The following SHROOM4 variants were observed in gnomAD, a reference collection of about 807,000 sequenced individuals.
SHROOM4 encodes shroom family member 4, also known as protein Shroom4.
A neutral mutation model predicts 80.3 loss-of-function variants in SHROOM4; 17 were observed. The ratio of observed to expected loss-of-function variants is 0.21; its 90% CI spans 0.14 to 0.32. SHROOM4 has a LOEUF of 0.32. Ranked by LOEUF, SHROOM4 falls within the 10% of genes least tolerant of loss-of-function variation. SHROOM4 has a pLI of 1.00. For synonymous variants in SHROOM4, 400 were observed against 437.5 expected (o/e 0.91, Z 1.07); for missense variants, 993 against 1,140.3 (o/e 0.87, Z 1.86).
At chrX:50,780,006 G>A (rs781834423) in intron 1 of SHROOM4, among the ~76,000 whole-genome samples, 67 of 111,474 alleles carry the variant, frequency 6.0e-4, no homozygotes, top group African/African-American at 2.0e-3. Context: ...GGTGTTTGGC[G>A]TATCAGTGAG....
intron 1 of SHROOM4, among the ~76,000 whole-genome samples, chrX:50,709,640 T>C (rs187438492): frequency 2.7e-5 from 3 of 112,488 alleles, no homozygotes; most frequent in African/African-American, 9.7e-5. Context: ...GAGTAGTCTA[T>C]GTGTCTTTCC....
At chrX:50,696,329 T>G (rs941556182) in intron 1 of SHROOM4, among the ~76,000 whole-genome samples, 1 of 111,863 alleles carries the variant, frequency 8.9e-6, no homozygotes, top group Admixed American at 9.5e-5. Flanking sequence ...GGTAAGCTCT[T>G]TCCTATCTTT....
At position 50,589,841 on chromosome X, in the gene SHROOM4, G is replaced by A. The variant is rs894137687; in HGVS notation, c.*6854C>T. Among the ~76,000 whole-genome samples, 1 of 112,009 alleles carries A rather than the reference G, an allele frequency of 8.9e-6. No homozygotes were observed. Among genetic ancestry groups the A allele is most frequent in the African/African-American group, 3.2e-5 (1 of 30,785 alleles). Reference sequence around the variant, plus strand: ...GTGGAAATTCTATGTTTAACATTTGGAGAAACTGCCAAGCTGTTTTTCAAT... The same window carrying A: ...GTGGAAATTCTATGTTTAACATTTGAAGAAACTGCCAAGCTGTTTTTCAAT... On this transcript the variant is annotated 3_prime_UTR_variant, in exon 9 of 9. Transcript: ENST00000376020.
chrX:50,714,562 T>A (rs1256202637), intron 1 of SHROOM4, among the ~76,000 whole-genome samples: 1 of 111,897 alleles, frequency 8.9e-6, no homozygotes, highest in Non-Finnish European at 1.9e-5. Flanking sequence ...ATATTATGTA[T>A]CAATAAAAGA....
At chrX:50,776,909 A>G (rs1369320401) in intron 1 of SHROOM4, among the ~76,000 whole-genome samples, 1 of 109,937 alleles carries the variant, frequency 9.1e-6, no homozygotes, top group African/African-American at 3.3e-5. Flanking sequence ...GGCTGTCTCA[A>G]ACTCCTGGGC....
chrX:50,787,788 C>T (rs1335968141), intron 1 of SHROOM4, among the ~76,000 whole-genome samples: 1 of 103,594 alleles, frequency 9.7e-6, no homozygotes, highest in East Asian at 3.0e-4. Context: ...AAAAAACCCA[C>T]CAGCAACTAA....
Position 50,795,105 on chromosome X carries a change from T to C in SHROOM4, c.117+18797A>G, listed in dbSNP as rs1569549149. 1.1e-3 allele frequency among the ~76,000 whole-genome samples: 58 copies of C among 50,995 alleles called. 9 individuals are homozygous for C. Among genetic ancestry groups the C allele is most frequent in the African/African-American group, 4.9e-3 (53 of 10,752 alleles). 44.3% of individuals were successfully genotyped at this position (50,995 alleles called of 115,157 possible). On this transcript the variant is annotated intron_variant, in intron 1 of 8. Coordinates refer to ENST00000376020, the MANE Select transcript of SHROOM4 (RefSeq NM_020717.5). ...ATATATATGATATATATATATGATA[T>C]ATATATATGATATATATATATGATA...
chrX:50,672,617 C>G (rs1370080909), intron 2 of SHROOM4, among the ~76,000 whole-genome samples: 1 of 111,094 alleles, frequency 9.0e-6, no homozygotes, highest in Non-Finnish European at 1.9e-5. Flanking sequence ...TAAAAATATA[C>G]TTGAACAAAT....
chrX:50,767,950 C>T (rs1935314318), intron 1 of SHROOM4, among the ~76,000 whole-genome samples: 1 of 112,028 alleles, frequency 8.9e-6, no homozygotes, highest in African/African-American at 3.2e-5. Context: ...AATATGCCTA[C>T]TGTCAACTAA....
chrX:50,761,310 G>C (rs1935150908), intron 1 of SHROOM4, among the ~76,000 whole-genome samples: 1 of 111,608 alleles, frequency 9.0e-6, no homozygotes, highest in African/African-American at 3.3e-5. Context: ...TCCTGCGTTA[G>C]TTTCCTAAGG....
intron 2 of SHROOM4, among the ~76,000 whole-genome samples, chrX:50,651,192 C>A (rs962685372): frequency 8.0e-5 from 9 of 111,912 alleles, no homozygotes; most frequent in African/African-American, 2.6e-4. Context: ...AGAGAGGGAA[C>A]AAAAGTACAA....
In SHROOM4 at chrX:50,657,187, G is replaced by A. The variant is rs1375448641; in HGVS notation, c.270-18879C>T. On this transcript the variant is annotated intron_variant, in intron 2 of 8. Coordinates refer to ENST00000376020, the MANE Select transcript of SHROOM4 (RefSeq NM_020717.5). The stretch of plus-strand genomic sequence containing the variant: ...TCTAGGGTTTTCTGTATAAGATCAT[G>A]TCACCTACAAATAAAGACAATTTAA... 9.9e-5 allele frequency among the ~76,000 whole-genome samples: 11 copies of A among 111,486 alleles called. No homozygotes were observed. In the Admixed American group the frequency reaches 1.1e-3, roughly 11 times the overall value.
chrX:50,636,491 C>CT (rs1274225194), intron 3 of SHROOM4, among the ~76,000 whole-genome samples: 24 of 109,630 alleles, frequency 2.2e-4, no homozygotes, highest in African/African-American at 6.0e-4. Context: ...GAGGACAGAT[C>CT]TTTTTTTTTC....
chrX:50,714,628 T>C (rs1933901447), intron 1 of SHROOM4, among the ~76,000 whole-genome samples: 1 of 112,201 alleles, frequency 8.9e-6, no homozygotes, highest in Non-Finnish European at 1.9e-5. Context: ...TTAAATAATA[T>C]TTACTGTTTT....
chrX:50,612,282 C>T (rs1930033130), intron 5 of SHROOM4, among the ~76,000 whole-genome samples: 1 of 110,733 alleles, frequency 9.0e-6, no homozygotes, highest in African/African-American at 3.3e-5. Flanking sequence ...TGCTCTACCC[C>T]ATAAAACAAA....
chrX:50,751,529 GT>G (rs1557268047), intron 1 of SHROOM4, among the ~76,000 whole-genome samples: 1 of 111,427 alleles, frequency 9.0e-6, no homozygotes, highest in Admixed American at 9.5e-5. Flanking sequence ...TGTGGGGAAG[GT>G]TTCTATAATA....
rs142827776 is a variant in SHROOM4 at position 50,635,186 on chromosome X, C to G, written c.887G>C (p.Arg296Pro). 1 of 1,202,655 alleles carries G rather than the reference C, an allele frequency of 8.3e-7. No homozygotes were observed. Among genetic ancestry groups the G allele is most frequent in the Non-Finnish European group, 1.1e-6 (1 of 891,072 alleles). The stretch of plus-strand genomic sequence containing the variant: ...GGGGACCACAGGCTCAGATGCCCTG[C>G]GCTGCTCTCCATTGAGGAGTTGGGC... ...SRAQLLNGEQ[R>P]RASEPVVPLP... Residue 296 changes from arginine to proline, a missense_variant, in exon 4 of 9, where the codon CGC becomes CCC. By Grantham distance (103) the Arg-to-Pro change is moderately radical. Coordinates refer to ENST00000376020, the MANE Select transcript of SHROOM4 (RefSeq NM_020717.5).
chrX:50,663,727 T>C (rs1173161820), intron 2 of SHROOM4, among the ~76,000 whole-genome samples: 1 of 111,020 alleles, frequency 9.0e-6, no homozygotes, highest in Non-Finnish European at 1.9e-5. Flanking sequence ...TAAGCAAAGC[T>C]CCCCCTCTTG....
intron 1 of SHROOM4, among the ~76,000 whole-genome samples, chrX:50,759,246 C>T (rs1298470261): frequency 9.0e-6 from 1 of 111,566 alleles, no homozygotes; most frequent in Admixed American, 9.5e-5. Context: ...CAGAAAATTA[C>T]GACACATATT....
Sources: allele counts gnomAD v4.1 joint callset (sites outside exome capture counted in the v4.1 genomes callset), GRCh38; gene constraint gnomAD v4.1.1; transcripts MANE v1.5; gene names NCBI Gene and HGNC (gene_info 2026-07-23, HGNC 2026-07-21).